The following PLEKHA5 variants were observed in gnomAD, a reference collection of about 807,000 sequenced individuals.
PLEKHA5 encodes pleckstrin homology domain-containing family A member 5.
Under a neutral mutation model 181.9 loss-of-function variants are expected in PLEKHA5, and 55 were observed. The observed-to-expected ratio is 0.30, with a 90% confidence interval of 0.24 to 0.38. PLEKHA5 has a LOEUF of 0.38. Among genes scored for constraint, PLEKHA5 ranks in the 10% least tolerant of loss-of-function variants. The pLI, the probability that PLEKHA5 is intolerant of heterozygous loss-of-function variation, is 1.00. For synonymous variants in PLEKHA5, 535 were observed against 529.4 expected (o/e 1.01, Z -0.15); for missense variants, 1,432 against 1,549.5 (o/e 0.92, Z 1.27).
chr12:19,241,336 T>C (rs1037131161), intron 3 of PLEKHA5, among the ~76,000 whole-genome samples: 16 of 152,200 alleles, frequency 1.1e-4, no homozygotes, highest in African/African-American at 3.9e-4. Context: ...AAGCTGAAGC[T>C]CAGCTTGGAG....
At chr12:19,314,418 T>C (rs2087756557) in intron 15 of PLEKHA5, among the ~76,000 whole-genome samples, 1 of 152,184 alleles carries the variant, frequency 6.6e-6, no homozygotes, top group African/African-American at 2.4e-5. Context: ...AATATCATTT[T>C]CAGCTTTATT....
chr12:19,237,776 A>G (rs1483459162), intron 3 of PLEKHA5, among the ~76,000 whole-genome samples: 1 of 152,012 alleles, frequency 6.6e-6, no homozygotes, highest in Non-Finnish European at 1.5e-5. Context: ...ATTATTAATA[A>G]TATCAATTCA....
chr12:19,256,267 A>G (rs1230712607), intron 5 of PLEKHA5, among the ~76,000 whole-genome samples: 2 of 152,236 alleles, frequency 1.3e-5, no homozygotes, highest in East Asian at 3.8e-4. Context: ...AAGTTTCATA[A>G]CACAGCACAC....
chr12:19,301,889 T>G (rs555866244), intron 15 of PLEKHA5, among the ~76,000 whole-genome samples: 1 of 152,280 alleles, frequency 6.6e-6, no homozygotes, highest in Admixed American at 6.5e-5. Flanking sequence ...AGCATACCCT[T>G]CAATCTCAGG....
intron 3 of PLEKHA5, among the ~76,000 whole-genome samples, chr12:19,164,725 A>G (rs1278543328): frequency 6.6e-6 from 1 of 151,786 alleles, no homozygotes; most frequent in African/African-American, 2.4e-5. Flanking sequence ...TATATCCTTA[A>G]TGTGTGCTTA....
intron 3 of PLEKHA5, among the ~76,000 whole-genome samples, chr12:19,188,984 C>G (rs935586534): frequency 1.3e-5 from 2 of 152,170 alleles, no homozygotes; most frequent in Admixed American, 6.5e-5. Flanking sequence ...TGAATTCTTG[C>G]AGCTGTCAAC....
rs111913011 is a variant in PLEKHA5 at position 19,255,400 on chromosome 12, G to A, written c.432+235G>A. Among the ~76,000 whole-genome samples, 305 of 152,136 alleles carry A rather than the reference G, an allele frequency of 2.0e-3. 1 individual carries two copies. Among genetic ancestry groups the A allele is most frequent in the African/African-American group, 7.0e-3 (291 of 41,534 alleles). ...GAAATACATTGATATTTGTGAGAGA[G>A]AATGGGTACACTTAAGTTTTAAAGG... is the stretch of plus-strand genomic sequence containing the variant. On this transcript the variant is annotated intron_variant, in intron 5 of 31. Transcript: ENST00000429027.
At chr12:19,200,652 A>G in intron 3 of PLEKHA5, 1 of 1,068,186 alleles carries the variant, frequency 9.4e-7, no homozygotes, top group Non-Finnish European at 1.1e-6. Flanking sequence ...ATCTGTCTGT[A>G]TCTTCATTCA....
At chr12:19,325,555 G>A (rs889423477) in intron 20 of PLEKHA5, among the ~76,000 whole-genome samples, 1 of 151,922 alleles carries the variant, frequency 6.6e-6, no homozygotes, top group African/African-American at 2.4e-5. Flanking sequence ...AGGTGTGGGG[G>A]CAGATGCCTG....
intron 31 of PLEKHA5, 66 bp downstream of exon 31, chr12:19,369,864 T>A: frequency 1.1e-6 from 1 of 936,310 alleles, no homozygotes; most frequent in East Asian, 2.5e-5. Flanking sequence ...TATCTGTTGG[T>A]TTAGTGAATC....
intron 3 of PLEKHA5, among the ~76,000 whole-genome samples, chr12:19,196,199 CAAAGATT>C (rs2052684560): frequency 6.6e-6 from 1 of 152,208 alleles, no homozygotes; most frequent in South Asian, 2.1e-4. Flanking sequence ...CAGTTGTCAA[CAAAGATT>C]ATATTTTATA....
chr12:19,338,585 G>A (rs2093635900), intron 21 of PLEKHA5, among the ~76,000 whole-genome samples: 1 of 151,372 alleles, frequency 6.6e-6, no homozygotes, highest in Admixed American at 6.6e-5. Flanking sequence ...GCCAGCCTGG[G>A]CGACAAAGGG....
rs1592289377 is a variant in PLEKHA5, at chr12:19,276,352, A to G, written c.1313+1369A>G. 4.6e-5 allele frequency among the ~76,000 whole-genome samples: 7 copies of G among 152,294 alleles called. 2 individuals are homozygous for G. The highest frequency in any genetic ancestry group is 4.6e-4 in the Admixed American group (7 of 15,296). ...TATTCGGGATATAATTGACAAGTCT[A>G]GTTGATTGCTTTGATGTGCTTGATT... On this transcript the variant is annotated intron_variant, in intron 11 of 31. Coordinates refer to ENST00000429027, the MANE Select transcript of PLEKHA5 (RefSeq NM_001256470.2).
At chr12:19,132,773 C>CTTTTTT (rs59992820) in intron 3 of PLEKHA5, among the ~76,000 whole-genome samples, 1 of 112,120 alleles carries the variant, frequency 8.9e-6, no homozygotes, top group Non-Finnish European at 1.7e-5. Context: ...CCACAATTAC[C>CTTTTTT]TTTTTTTTTT....
At chr12:19,186,946 A>T (rs1008506217) in intron 3 of PLEKHA5, among the ~76,000 whole-genome samples, 5 of 152,224 alleles carry the variant, frequency 3.3e-5, no homozygotes, top group African/African-American at 9.6e-5. Flanking sequence ...TGTTGTAAAT[A>T]AGTAATTACA....
rs954104036 is a variant in PLEKHA5, at chr12:19,200,648, C to G, written c.228-53292C>G. The G allele has an allele frequency of 5.6e-6, 6 of 1,077,930 alleles. No individual in the cohort carries two copies. The African/African-American group carries it at 8.2e-5, about 15-fold the overall frequency. 66.8% of individuals were successfully genotyped at this position (1,077,930 alleles called of 1,614,324 possible). On this transcript the variant is annotated intron_variant, in intron 3 of 31. Transcript: ENST00000429027. ...TTCTTCCTCTTCAATCCAAATCTGT[C>G]TGTATCTTCATTCATTTTTCTTAAC...
intron 3 of PLEKHA5, among the ~76,000 whole-genome samples, chr12:19,211,889 C>T (rs1052136164): frequency 6.6e-6 from 1 of 152,138 alleles, no homozygotes; most frequent in Non-Finnish European, 1.5e-5. Flanking sequence ...CCTTATCATG[C>T]CAGCTAAAAT....
At chr12:19,312,383 T>TC (rs1346717094) in intron 15 of PLEKHA5, among the ~76,000 whole-genome samples, 4 of 152,216 alleles carry the variant, frequency 2.6e-5, no homozygotes, top group South Asian at 2.1e-4. Flanking sequence ...GGCATCTGAT[T>TC]CCCATACAAG....
intron 3 of PLEKHA5, among the ~76,000 whole-genome samples, chr12:19,211,155 A>G (rs2056816723): frequency 6.6e-6 from 1 of 152,138 alleles, no homozygotes; most frequent in African/African-American, 2.4e-5. Flanking sequence ...TATGAATAAG[A>G]TAGAGAGTTG....
Sources: allele counts gnomAD v4.1 joint callset (sites outside exome capture counted in the v4.1 genomes callset), GRCh38; gene constraint gnomAD v4.1.1; transcripts MANE v1.5; gene names NCBI Gene and HGNC (gene_info 2026-07-23, HGNC 2026-07-21).